The following MRTFB variants were observed in gnomAD, a reference collection of about 807,000 sequenced individuals.
MRTFB encodes myocardin related transcription factor B.
MRTFB carries 29 observed loss-of-function variants against 104.2 expected under a neutral mutation model. The ratio of observed to expected loss-of-function variants is 0.28; its 90% CI spans 0.21 to 0.38. The LOEUF (loss-of-function observed/expected upper bound fraction) is 0.38, where lower values mean the gene tolerates loss of function less well. MRTFB is among the 10% of genes least tolerant of loss of function. MRTFB has a pLI of 1.00. For synonymous variants in MRTFB, 535 were observed against 519.5 expected, an observed-to-expected ratio of 1.03 and a Z score of -0.41; for missense variants, 1,270 against 1,341.6, an observed-to-expected ratio of 0.95 and a Z score of 0.83.
intron 3 of MRTFB, chr16:14,195,460 A>C (rs1275950960): frequency 1.1e-6 from 1 of 900,290 alleles, no homozygotes; most frequent in African/African-American, 1.8e-5. Flanking sequence ...AAATGTGTAT[A>C]TGTAAATATA....
At chr16:14,223,821 T>A (rs1036137503) in intron 8 of MRTFB, among the ~76,000 whole-genome samples, 1 of 152,232 alleles carries the variant, frequency 6.6e-6, no homozygotes, top group Admixed American at 6.5e-5. Flanking sequence ...GGCCCAAAAC[T>A]TCACAAATAG....
intron 2 of MRTFB, among the ~76,000 whole-genome samples, chr16:14,095,047 T>C (rs1005536998): frequency 1.1e-4 from 16 of 152,182 alleles, no homozygotes; most frequent in Non-Finnish European, 2.2e-4. Flanking sequence ...AGGTCTAAAA[T>C]AGTCTTCTTA....
intron 3 of MRTFB, among the ~76,000 whole-genome samples, chr16:14,204,748 G>A (rs1275980081): frequency 6.6e-6 from 1 of 152,122 alleles, no homozygotes; most frequent in Non-Finnish European, 1.5e-5. Flanking sequence ...ATAGCCATCT[G>A]TATCCATGTT....
chr16:14,118,175 C>T (rs1431323461), intron 2 of MRTFB, among the ~76,000 whole-genome samples: 1 of 140,186 alleles, frequency 7.1e-6, no homozygotes, highest in Non-Finnish European at 1.5e-5. Context: ...CTCATTCTGT[C>T]ACCCAGGCTG....
chr16:14,095,689 G>A (rs1185530883), intron 2 of MRTFB, among the ~76,000 whole-genome samples: 1 of 152,158 alleles, frequency 6.6e-6, no homozygotes, highest in Non-Finnish European at 1.5e-5. Flanking sequence ...ACTATCAGCT[G>A]TTGAATGTCT....
intron 2 of MRTFB, among the ~76,000 whole-genome samples, chr16:14,106,521 TGTGA>T (rs1446506024): frequency 2.6e-5 from 4 of 152,338 alleles, no homozygotes; most frequent in Non-Finnish European, 5.9e-5. Context: ...ACTGTAACTA[TGTGA>T]GTGAGTTATT....
At chr16:14,024,521 A>G in the MRTFB span, among the ~76,000 whole-genome samples, 2 of 152,174 alleles carry the variant, frequency 1.3e-5, no homozygotes, top group Non-Finnish European at 2.9e-5. Flanking sequence ...AAAATTAAAA[A>G]CACGCATTTC....
chr16:14,127,921 A>AT (rs2037218973), intron 2 of MRTFB, among the ~76,000 whole-genome samples: 3 of 39,876 alleles, frequency 7.5e-5, no homozygotes, highest in Non-Finnish European at 1.2e-4. Flanking sequence ...ATATATATAT[A>AT]TATATATATT....
intron 3 of MRTFB, among the ~76,000 whole-genome samples, chr16:14,173,306 A>G (rs2039481495): frequency 6.6e-6 from 1 of 152,220 alleles, no homozygotes; most frequent in Non-Finnish European, 1.5e-5. Flanking sequence ...TAACTTAGAG[A>G]AACTGACATC....
chr16:14,150,239 C>A (rs1597083202), intron 3 of MRTFB, among the ~76,000 whole-genome samples: 1 of 152,164 alleles, frequency 6.6e-6, no homozygotes, highest in Non-Finnish European at 1.5e-5. Context: ...CATAAGATTG[C>A]TCTGAGGGTT....
At chr16:14,026,882 TA>T in the MRTFB span, among the ~76,000 whole-genome samples, 128,012 of 151,888 alleles carry the variant, frequency 0.84, 55,180 homozygotes, top group Non-Finnish European at 0.94. Flanking sequence ...ATGGCTCAAA[TA>T]AAAAAAAATT....
intron 2 of MRTFB, among the ~76,000 whole-genome samples, chr16:14,097,868 C>T (rs946483715): frequency 1.3e-5 from 2 of 152,134 alleles, no homozygotes; most frequent in Non-Finnish European, 2.9e-5. Context: ...TTTCAGTCAG[C>T]CTAATTATTT....
chr16:14,128,101 G>T (rs1349659998), intron 2 of MRTFB, among the ~76,000 whole-genome samples: 2 of 151,872 alleles, frequency 1.3e-5, no homozygotes, highest in African/African-American at 2.4e-5. Flanking sequence ...CAGAAGAACA[G>T]CTCTGAAAAC....
chr16:14,208,424 A>G (rs2041045488), intron 3 of MRTFB, among the ~76,000 whole-genome samples: 1 of 152,212 alleles, frequency 6.6e-6, no homozygotes, highest in Admixed American at 6.5e-5. Context: ...TTTTAAACCA[A>G]AAAGGGGGTG....
chr16:14,144,317 A>G (rs2038178235), intron 3 of MRTFB: 1 of 152,226 alleles, frequency 6.6e-6, no homozygotes, highest in Admixed American at 6.5e-5. Flanking sequence ...TTATATTCAG[A>G]CATATAATTT....
chr16:14,157,648 C>G (rs766052806), intron 3 of MRTFB, among the ~76,000 whole-genome samples: 1 of 152,116 alleles, frequency 6.6e-6, no homozygotes, highest in African/African-American at 2.4e-5. Flanking sequence ...CAAAACTGGC[C>G]ACAGAGATGG....
At chr16:14,162,003 C>G (rs539798683) in intron 3 of MRTFB, among the ~76,000 whole-genome samples, 1 of 151,878 alleles carries the variant, frequency 6.6e-6, no homozygotes, top group Non-Finnish European at 1.5e-5. Flanking sequence ...AACAGAAATG[C>G]GTGTATATGT....
At chr16:14,024,550 A>G in the MRTFB span, among the ~76,000 whole-genome samples, 1 of 152,188 alleles carries the variant, frequency 6.6e-6, no homozygotes, top group Non-Finnish European at 1.5e-5. Flanking sequence ...CAGCAGTTTC[A>G]CTTCTCAGAA....
Position 14,234,280 on chromosome 16 carries a change from G to T in MRTFB, c.828G>T (p.Val276=). ...CAGCAAAGCCTGGCCCAGCACTGGT[G>T]AAGGTGGGTACTTTGGATACACCCT... ...VSSAKPGPAL[V]KQSHPKNPND... The change falls in exon 9 of 17, where the codon GTG becomes GTT. Residue 276 remains valine (V), a synonymous_variant. Transcript: ENST00000571589. 1 of 1,613,940 alleles carries T rather than the reference G, an allele frequency of 6.2e-7. No homozygotes were observed.
Sources: allele counts gnomAD v4.1 joint callset (sites outside exome capture counted in the v4.1 genomes callset), GRCh38; gene constraint gnomAD v4.1.1; transcripts MANE v1.5; gene names NCBI Gene and HGNC (gene_info 2026-07-23, HGNC 2026-07-21).